BLM: variants seen among roughly 807,000 people sequenced by gnomAD.
The protein encoded by BLM is recQ-like DNA helicase BLM.
A neutral mutation model predicts 135.3 loss-of-function variants in BLM; 95 were observed. The observed-to-expected ratio is 0.70, with a 90% CI of 0.59 to 0.83. The LOEUF is 0.83. Ranked by LOEUF, BLM falls within the 40% of genes least tolerant of loss-of-function variation. The pLI, the probability that BLM is intolerant of heterozygous loss-of-function variation, is 0.00. For missense variants in BLM, 1,518 were observed against 1,663.9 expected (o/e 0.91, Z 1.53); for synonymous variants, 520 against 589.2 (o/e 0.88, Z 1.70).
At chr15:90,742,882 C>G (rs576779758) in intron 1 of BLM, among the ~76,000 whole-genome samples, 1 of 150,930 alleles carries the variant, frequency 6.6e-6, no homozygotes. Flanking sequence ...GCGATCCTCC[C>G]GCTTTGGCTT....
At chr15:90,747,082 A>G (rs1430974202) in intron 1 of BLM, among the ~76,000 whole-genome samples, 1 of 151,984 alleles carries the variant, frequency 6.6e-6, no homozygotes, top group Non-Finnish European at 1.5e-5. Flanking sequence ...CCCTTTCCTA[A>G]TAATCCCCTC....
intron 1 of BLM, among the ~76,000 whole-genome samples, chr15:90,731,182 T>G (rs553525899): frequency 7.9e-5 from 12 of 152,168 alleles, no homozygotes; most frequent in Non-Finnish European, 1.3e-4. Flanking sequence ...CAAGCAATCC[T>G]CCTGCCTTGG....
chr15:90,772,564 A>G (rs760267038), intron 12 of BLM, among the ~76,000 whole-genome samples: 1 of 152,216 alleles, frequency 6.6e-6, no homozygotes, highest in African/African-American at 2.4e-5. Flanking sequence ...AAGAGATTAT[A>G]TAACTTCATA....
intron 17 of BLM, among the ~76,000 whole-genome samples, chr15:90,799,420 A>G (rs1897112288): frequency 6.6e-6 from 1 of 152,122 alleles, no homozygotes; most frequent in South Asian, 2.1e-4. Flanking sequence ...TAAAGTCAAG[A>G]AAATTTAGGA....
chr15:90,758,915 A>G (rs982323878), intron 5 of BLM, among the ~76,000 whole-genome samples: 7 of 152,210 alleles, frequency 4.6e-5, no homozygotes, highest in East Asian at 1.9e-4. Flanking sequence ...ATATGTTACC[A>G]TTAAAGGGAA....
At chr15:90,804,046 C>T in intron 18 of BLM, 121 bp from the exon 19 acceptor site, 1 of 941,402 alleles carries the variant, frequency 1.1e-6, no homozygotes, top group Non-Finnish European at 1.6e-6. Context: ...CCAGTGGGCT[C>T]ACTATCTGCA....
At position 90,809,156 on chromosome 15, in the gene BLM, T is replaced by G; in HGVS notation, c.3771T>G (p.Pro1257=). 1 of 1,614,200 alleles carries G rather than the reference T, an allele frequency of 6.2e-7. No individual in the cohort carries two copies. Among genetic ancestry groups the G allele is most frequent in the Non-Finnish European group, 8.5e-7 (1 of 1,179,998 alleles). ...KKLAESLSSD[P]EVLLQIDGVT... ...GCACAGAATCTTTATCTTCTGATCC[T>G]GAGGTTTTGCTTCAAATTGATGGTG... Residue 1257 remains proline, a synonymous_variant, in exon 20 of 22, where the codon CCT becomes CCG. Transcript: ENST00000355112.
At chr15:90,788,476 T>TTTTTTTTTTTTTTTTTTTTTG (rs1896811916) in intron 14 of BLM, among the ~76,000 whole-genome samples, 1 of 120,926 alleles carries the variant, frequency 8.3e-6, no homozygotes, top group African/African-American at 3.1e-5. Flanking sequence ...GTTTTGTTTT[T>TTTTTTTTTTTTTTTTTTTTTG]TTTTTTTTTT....
At chr15:90,776,493 T>G (rs779226068) in intron 12 of BLM, among the ~76,000 whole-genome samples, 70 of 152,188 alleles carry the variant, frequency 4.6e-4, no homozygotes, top group Non-Finnish European at 9.6e-4. Context: ...ATACTTTTAT[T>G]GTGTGATACG....
At chr15:90,792,676 C>G (rs1359069523) in intron 15 of BLM, among the ~76,000 whole-genome samples, 1 of 152,076 alleles carries the variant, frequency 6.6e-6, no homozygotes, top group Non-Finnish European at 1.5e-5. Flanking sequence ...TTTAGCCCTT[C>G]CTATGTGCCA....
Position 90,803,527 on chromosome 15 carries a change from A to C in BLM, c.3365A>C (p.Lys1122Thr), listed in dbSNP as rs1175406197. ...NMLVDIFLGS[K>T]SAKIQSGIFG... The stretch of plus-strand genomic sequence containing the variant: ...TCCTGTATCTTCTTATCAGGGAGTA[A>C]GAGTGCAAAAATCCAGTCAGGTATA... Residue 1122 changes from lysine (K) to threonine (T), a missense_variant, in exon 18 of 22, where the codon AAG becomes ACG. Physicochemically the swap from Lys to Thr is moderately conservative, Grantham distance 78. Coordinates refer to ENST00000355112, the MANE Select transcript of BLM (RefSeq NM_000057.4). 6.2e-7 allele frequency: 1 copy of C among 1,612,956 alleles called. No individual in the cohort carries two copies. The highest frequency in any genetic ancestry group is 1.7e-5 in the Admixed American group (1 of 60,018).
intron 12 of BLM, among the ~76,000 whole-genome samples, chr15:90,769,862 T>C (rs574231593): frequency 7.2e-5 from 11 of 152,170 alleles, no homozygotes; most frequent in Non-Finnish European, 1.5e-4. Flanking sequence ...TCCTTTTCAG[T>C]ACCTACTTTA....
In BLM at chr15:90,798,138, C is replaced by A. The variant is rs1392323397; in HGVS notation, c.3211-52C>A. ...ATAGTTAATATTAAACCCTAGTAAT[C>A]TAGGCATTGTTACCTTAATTATAGC... On this transcript the variant is annotated intron_variant, in intron 16 of 21. Coordinates refer to ENST00000355112, the MANE Select transcript of BLM (RefSeq NM_000057.4). 8.7e-6 allele frequency: 13 copies of A among 1,489,476 alleles called. No individual in the cohort carries two copies. In the East Asian group the frequency reaches 1.1e-4, roughly 13 times the overall value. The allele number at this position is 1,489,476 out of a possible 1,614,324, so 92.3% of individuals were successfully genotyped here.
At position 90,760,177 on chromosome 15, in the gene BLM, T is replaced by A. The variant is rs1060500630; in HGVS notation, c.1118T>A (p.Ile373Asn). Residue 373 changes from isoleucine (I) to asparagine (N), a missense_variant, in exon 6 of 22, where the codon ATT (isoleucine) becomes AAT (asparagine). Physicochemically the swap from Ile to Asn is moderately radical, Grantham distance 149. This residue lies in a region of BLM where 724 missense variants were observed against 756.9 expected (regional missense o/e 0.96). Transcript: ENST00000355112. ...CAGATAAGTTTACAGCAGCAGCTTA[T>A]TCATGTGATGGAGCACATCTGTAAA... The part of the protein sequence containing the change: ...ARQISLQQQL[I>N]HVMEHICKLI... The A allele has an allele frequency of 6.2e-7, 1 of 1,612,564 alleles. No individual in the cohort carries two copies. The highest frequency in any genetic ancestry group is 8.5e-7 in the Non-Finnish European group (1 of 1,178,548).
chr15:90,794,207 C>T lies in BLM; in HGVS notation c.3060C>T (p.Phe1020=), dbSNP rs763020597. The T allele has an allele frequency of 3.1e-6, 5 of 1,605,882 alleles. No individual in the cohort carries two copies. The East Asian group carries it at 1.1e-4, about 36-fold the overall frequency. The change falls in exon 16 of 22, where the codon TTC becomes TTT. Residue 1020 remains phenylalanine (F), a synonymous_variant. Transcript: ENST00000355112. ...ACCATCATACAAGAGAAACTCACTT[C>T]AATAATTTGTATAGCATGGTACATT... ...DGNHHTRETH[F]NNLYSMVHYC...
rs28384984 is a variant in BLM at position 90,748,759 on chromosome 15, T to C, written c.99-608T>C. Among the ~76,000 whole-genome samples, 719 of 151,776 alleles carry C rather than the reference T, an allele frequency of 4.7e-3. 13 individuals are homozygous for C. The highest frequency in any genetic ancestry group is 0.026 in the East Asian group (134 of 5,176). The stretch of plus-strand genomic sequence containing the variant: ...ATATTTGAATCTCTTCCGTTTTTCT[T>C]TTTTCTTTTTTTTTTTTTGAGACAG... On this transcript the variant is annotated intron_variant, in intron 2 of 21. Coordinates refer to ENST00000355112, the MANE Select transcript of BLM (RefSeq NM_000057.4).
At chr15:90,793,168 T>C (rs1896948081) in intron 15 of BLM, among the ~76,000 whole-genome samples, 1 of 151,234 alleles carries the variant, frequency 6.6e-6, no homozygotes, top group Admixed American at 6.6e-5. Context: ...GGAGTTGCGC[T>C]TTTGTCACCC....
chr15:90,804,578 C>T (rs1897246004), intron 19 of BLM, among the ~76,000 whole-genome samples: 1 of 152,204 alleles, frequency 6.6e-6, no homozygotes, highest in African/African-American at 2.4e-5. Context: ...ATCTTCCCAC[C>T]TCAATTTCCC....
intron 1 of BLM, among the ~76,000 whole-genome samples, chr15:90,728,458 G>A (rs1022349084): frequency 4.6e-5 from 7 of 152,146 alleles, no homozygotes; most frequent in Non-Finnish European, 8.8e-5. Flanking sequence ...GTGCAGTGGC[G>A]TGATCTCAGC....
Sources: gnomAD v4.1 joint callset for allele counts (sites outside exome capture counted in the v4.1 genomes callset) on GRCh38, gnomAD v4.1.1 for gene constraint, gnomAD v4.1.1 regional missense constraint, MANE v1.5 for transcripts, NCBI Gene and HGNC (gene_info 2026-07-23, HGNC 2026-07-21) for gene names.